Variants in IFT80 observed in about 807,000 individuals in gnomAD.
IFT80 encodes the protein intraflagellar transport protein 80 homolog.
Under a neutral mutation model 107.9 loss-of-function variants are expected in IFT80, and 79 were observed. The observed-to-expected ratio is 0.73, with a 90% CI of 0.61 to 0.88. The LOEUF (loss-of-function observed/expected upper bound fraction) is 0.88, where lower values mean the gene tolerates loss of function less well. Ranked by LOEUF, IFT80 falls within the 40% of genes least tolerant of loss-of-function variation. IFT80 has a pLI of 0.00. For missense variants in IFT80, 797 were observed against 914.2 expected (o/e 0.87, Z 1.65); for synonymous variants, 299 against 300.9 (o/e 0.99, Z 0.07).
At chr3:160,384,343 A>G (rs1468317680) in intron 2 of IFT80, 1 of 1,136,314 alleles carries the variant, frequency 8.8e-7, no homozygotes, top group Non-Finnish European at 1.1e-6. Flanking sequence ...GAGTAAGAAA[A>G]ACGTCAGTAA....
intron 1 of IFT80, among the ~76,000 whole-genome samples, chr3:160,388,767 A>G (rs1042981399): frequency 5.3e-5 from 8 of 152,148 alleles, no homozygotes; most frequent in Non-Finnish European, 7.3e-5. Context: ...AGTGAACCCA[A>G]ATAAATATAC....
At chr3:160,258,701 GTAAC>G in intron 19 of IFT80, 66 bp from the exon 20 acceptor site, 1 of 1,543,054 alleles carries the variant, frequency 6.5e-7, no homozygotes, top group Non-Finnish European at 8.8e-7. Flanking sequence ...TTACTCCAAA[GTAAC>G]TAAGAGTAAA....
At chr3:160,346,211 TAAC>T (rs1437004433) in intron 8 of IFT80, among the ~76,000 whole-genome samples, 2 of 152,260 alleles carry the variant, frequency 1.3e-5, no homozygotes, top group Non-Finnish European at 2.9e-5. Flanking sequence ...TTAATAATAA[TAAC>T]AAAGTATTGT....
intron 19 of IFT80, among the ~76,000 whole-genome samples, chr3:160,260,622 G>A (rs947379212): frequency 6.6e-5 from 10 of 152,182 alleles, no homozygotes; most frequent in African/African-American, 2.4e-4. Flanking sequence ...TTTAAAAAGT[G>A]TTCTACAGAT....
At position 160,290,778 on chromosome 3, in the gene IFT80, G is replaced by T. The variant is rs560686781; in HGVS notation, c.1316-4910C>A. On this transcript the variant is annotated intron_variant, in intron 12 of 19. Transcript: ENST00000326448. ...GGGTTTCGCCATGTTGGCCAGGCTGGTCTTGAATTCCTGACCTCAGGTGAT... is the reference window on the plus strand; with the variant it reads ...GGGTTTCGCCATGTTGGCCAGGCTGTTCTTGAATTCCTGACCTCAGGTGAT... Among the ~76,000 whole-genome samples, 18 of 152,120 alleles carry T rather than the reference G, an allele frequency of 1.2e-4. 1 individual carries two copies. Among genetic ancestry groups the T allele is most frequent in the Non-Finnish European group, 2.6e-4 (18 of 68,028 alleles).
At chr3:160,357,438 A>G (rs2108362335) in intron 7 of IFT80, 51 bp downstream of exon 7, 2 of 967,106 alleles carry the variant, frequency 2.1e-6, no homozygotes, top group Non-Finnish European at 3.3e-6. Context: ...TATGCTAAGT[A>G]CTTATAAATT....
At chr3:160,361,734 A>G (rs966050770) in intron 6 of IFT80, among the ~76,000 whole-genome samples, 1 of 152,240 alleles carries the variant, frequency 6.6e-6, no homozygotes, top group African/African-American at 2.4e-5. Flanking sequence ...ACTCAAAACC[A>G]CTCAACTACA....
rs115825155 is a variant in IFT80 at position 160,288,584 on chromosome 3, T to G, written c.1316-2716A>C. Reference sequence around the variant, plus strand: ...AGAATAGGAGAAAATTTCTGCAAACTGTGCATCTGACAAAAGTCTAATATC... The same window carrying G: ...AGAATAGGAGAAAATTTCTGCAAACGGTGCATCTGACAAAAGTCTAATATC... On this transcript the variant is annotated intron_variant, in intron 12 of 19. Coordinates refer to ENST00000326448, the MANE Select transcript of IFT80 (RefSeq NM_020800.3). Among the ~76,000 whole-genome samples, 1,061 of 152,182 alleles carry G rather than the reference T, an allele frequency of 7.0e-3. 11 individuals are homozygous for G. The highest frequency in any genetic ancestry group is 0.024 in the African/African-American group (992 of 41,528).
In IFT80 at chr3:160,368,044, A is replaced by C. The variant is rs570012284; in HGVS notation, c.440-1892T>G. 1.1e-4 allele frequency among the ~76,000 whole-genome samples: 17 copies of C among 152,032 alleles called. No homozygotes were observed. In the East Asian group the frequency reaches 2.1e-3, roughly 19 times the overall value. On this transcript the variant is annotated intron_variant, in intron 5 of 19. Transcript: ENST00000326448. Reference sequence around the variant, plus strand: ...CTAAATCAGACTATTGTAGTAATTGACTTTCTGTGAATCAACGAATCAATG... The same window carrying C: ...CTAAATCAGACTATTGTAGTAATTGCCTTTCTGTGAATCAACGAATCAATG...
At chr3:160,316,379 C>G (rs919051126) in intron 9 of IFT80, among the ~76,000 whole-genome samples, 1 of 152,146 alleles carries the variant, frequency 6.6e-6, no homozygotes, top group Admixed American at 6.6e-5. Context: ...CTGGTCAATG[C>G]CTTGCTTGCA....
At position 160,282,580 on chromosome 3, in the gene IFT80, C is replaced by A; in HGVS notation, c.1414G>T (p.Gly472Ter). ...EILEIALDQK[G>*]LTNDRKIAFI... ...GCAATTTTTCTATCATTGGTAAGTC[C>A]TTTTTGATCCAGAGCAATTTCCAAG... is the stretch of plus-strand genomic sequence containing the variant. The change falls in exon 14 of 20, where the codon GGA becomes TGA. Residue 472 changes from glycine to a stop codon, truncating the protein, a stop_gained. Coordinates refer to ENST00000326448, the MANE Select transcript of IFT80 (RefSeq NM_020800.3). LOFTEE classifies it high-confidence loss of function. 6.3e-7 allele frequency: 1 copy of A among 1,590,530 alleles called. No homozygotes were observed. Among genetic ancestry groups the A allele is most frequent in the South Asian group, 1.1e-5 (1 of 88,452 alleles).
At chr3:160,279,115 T>A (rs2108228844) in intron 16 of IFT80, 78 bp downstream of exon 16, 1 of 1,178,536 alleles carries the variant, frequency 8.5e-7, no homozygotes, top group East Asian at 2.4e-5. Flanking sequence ...CCTTTAAGCC[T>A]ATTATCATTA....
rs141875747 is a variant in IFT80 at position 160,268,642 on chromosome 3, T to C, written c.2100-106A>G. 505 of 1,066,138 alleles carry C rather than the reference T, an allele frequency of 4.7e-4. 1 individual carries two copies. The African/African-American group carries it at 6.2e-3, about 13-fold the overall frequency. The allele number at this position is 1,066,138 out of a possible 1,614,324, so 66.0% of individuals were successfully genotyped here. ...GACAAATGGCTCTTCCCTCTGTTTA[T>C]TCCACAATATGAAATACCATTTTCT... On this transcript the variant is annotated intron_variant, in intron 18 of 19. Coordinates refer to ENST00000326448, the MANE Select transcript of IFT80 (RefSeq NM_020800.3).
intron 1 of IFT80, among the ~76,000 whole-genome samples, chr3:160,389,551 A>G (rs1316976853): frequency 1.5e-5 from 2 of 136,970 alleles, no homozygotes; most frequent in South Asian, 2.3e-4. Context: ...TCATTGTTCA[A>G]TTCCCACCTA....
chr3:160,300,676 A>G (rs1716348747), intron 12 of IFT80, among the ~76,000 whole-genome samples: 1 of 152,120 alleles, frequency 6.6e-6, no homozygotes. Context: ...TGTTGTGACA[A>G]TATCTGTTTG....
At chr3:160,357,666 T>C in intron 6 of IFT80, 88 bp from the exon 7 acceptor site, 1 of 771,916 alleles carries the variant, frequency 1.3e-6, no homozygotes, top group Non-Finnish European at 2.2e-6. Flanking sequence ...CTCTTTCTAA[T>C]GACTCCTTTG....
chr3:160,307,173 G>A (rs773158370), intron 10 of IFT80, among the ~76,000 whole-genome samples: 1 of 151,996 alleles, frequency 6.6e-6, no homozygotes, highest in African/African-American at 2.4e-5. Flanking sequence ...TTTGAGACAG[G>A]GTCTCACTCT....
chr3:160,277,320 G>A lies in IFT80; in HGVS notation c.2085C>T (p.Leu695=). 6.2e-7 allele frequency: 1 copy of A among 1,612,588 alleles called. No individual in the cohort carries two copies. Among genetic ancestry groups the A allele is most frequent in the Non-Finnish European group, 8.5e-7 (1 of 1,179,672 alleles). Residue 695 remains leucine, a synonymous_variant, in exon 18 of 20, where the codon CTC becomes CTT. Transcript: ENST00000326448. ...ATTCTTATTACCTTTCCCAGTTGTA[G>A]AGATTAATATTGATCTGGATTGCTT... ...VYQAIQININ[L]YNWERALELA... is the part of the protein sequence containing the mutation.
intron 2 of IFT80, chr3:160,383,772 A>G (rs1712706609): frequency 1.0e-6 from 1 of 985,258 alleles, no homozygotes; most frequent in Non-Finnish European, 1.2e-6. Flanking sequence ...GACAAAATAT[A>G]GGGTCATGTG....
Sources: gnomAD v4.1 joint callset for allele counts (sites outside exome capture counted in the v4.1 genomes callset) on GRCh38, gnomAD v4.1.1 for gene constraint, MANE v1.5 for transcripts, NCBI Gene and HGNC (gene_info 2026-07-23, HGNC 2026-07-21) for gene names.